The following SLC26A2 variants were observed in gnomAD, a reference collection of about 807,000 sequenced individuals.
The protein encoded by SLC26A2 is solute carrier family 26 member 2, also known as sulfate transporter.
In SLC26A2, 36 loss-of-function variants were observed where a neutral mutation model predicts 41.1. The observed-to-expected ratio is 0.88, with a 90% confidence interval of 0.67 to 1.16. SLC26A2 has a LOEUF of 1.16. Ranked by LOEUF, SLC26A2 falls within the 50% of genes most tolerant of loss-of-function variation. The pLI is 0.00. For synonymous variants in SLC26A2, 291 were observed against 311.6 expected (o/e 0.93, Z 0.70); for missense variants, 796 against 869.6 (o/e 0.92, Z 1.07).
At position 149,977,767 on chromosome 5, in the gene SLC26A2, T is replaced by C. The variant is rs746468036; in HGVS notation, c.115T>C (p.Phe39Leu). ...LELQRESSTD[F>L]KQFETNDQCR... ...ACTTCAAAGGGAATCAAGTACTGAC[T>C]TCAAGCAATTTGAGACCAATGATCA... Residue 39 changes from phenylalanine (F) to leucine (L), a missense_variant, in exon 2 of 3, where the codon TTC becomes CTC. Physicochemically the swap from Phe to Leu is conservative, Grantham distance 22. Transcript: ENST00000286298. 1.2e-6 allele frequency: 2 copies of C among 1,613,876 alleles called. No homozygotes were observed. Among genetic ancestry groups the C allele is most frequent in the African/African-American group, 2.7e-5 (2 of 74,918 alleles).
At position 149,974,159 on chromosome 5, in the gene SLC26A2, A is replaced by G. The variant is rs1449734330; in HGVS notation, c.-25-3469A>G. ...GGGCAAGACCCTATTTCTATAAAAG[A>G]TATATATTTCTTTGATACAAAGATA... is the stretch of plus-strand genomic sequence containing the variant. On this transcript the variant is annotated intron_variant, in intron 1 of 2. Coordinates refer to ENST00000286298, the MANE Select transcript of SLC26A2 (RefSeq NM_000112.4). Among the ~76,000 whole-genome samples, 3 of 152,160 alleles carry G rather than the reference A, an allele frequency of 2.0e-5. No homozygotes were observed. In the East Asian group the frequency reaches 5.8e-4, roughly 29 times the overall value.
chr5:149,980,938 A>G lies in SLC26A2; in HGVS notation c.1345A>G (p.Thr449Ala), dbSNP rs1240507935. ...TGCAAAGACATTGGTTAAAGAATCA[A>G]CAGGCTGCCATACTCAGCTTTCTGG... Reference protein sequence around the residue: ...ALAKTLVKESTGCHTQLSGVV... With the variant: ...ALAKTLVKESAGCHTQLSGVV... The change falls in exon 3 of 3, where the codon ACA becomes GCA. Residue 449 changes from threonine to alanine, a missense_variant. Coordinates refer to ENST00000286298, the MANE Select transcript of SLC26A2 (RefSeq NM_000112.4). 1.2e-6 allele frequency: 2 copies of G among 1,614,170 alleles called. No homozygotes were observed. Among genetic ancestry groups the G allele is most frequent in the East Asian group, 2.2e-5 (1 of 44,882 alleles).
intron 1 of SLC26A2, among the ~76,000 whole-genome samples, chr5:149,962,932 G>A (rs1412115238): frequency 6.6e-6 from 1 of 152,136 alleles, no homozygotes; most frequent in African/African-American, 2.4e-5. Flanking sequence ...ACAAAACAGA[G>A]CAAGTCAGTG....
intron 1 of SLC26A2, 112 bp from the exon 2 acceptor site, chr5:149,977,516 A>C: frequency 2.8e-6 from 2 of 711,616 alleles, no homozygotes. Flanking sequence ...TAAGATACCT[A>C]TTCCAAAACT....
chr5:149,967,750 G>A (rs1754829725), intron 1 of SLC26A2, among the ~76,000 whole-genome samples: 1 of 151,670 alleles, frequency 6.6e-6, no homozygotes, highest in East Asian at 1.9e-4. Flanking sequence ...CTCTCTCTGT[G>A]TATATATATA....
At chr5:149,964,930 T>C (rs1176718728) in intron 1 of SLC26A2, among the ~76,000 whole-genome samples, 1 of 152,190 alleles carries the variant, frequency 6.6e-6, no homozygotes, top group Non-Finnish European at 1.5e-5. Context: ...CAATAAAGTG[T>C]TTAAGGCTGA....
intron 1 of SLC26A2, among the ~76,000 whole-genome samples, chr5:149,962,482 G>C (rs958117189): frequency 1.3e-5 from 2 of 151,974 alleles, no homozygotes; most frequent in East Asian, 1.9e-4. Flanking sequence ...GGAACCACAG[G>C]TGCACGCTGC....
chr5:149,968,451 C>T (rs952051556), intron 1 of SLC26A2, among the ~76,000 whole-genome samples: 1 of 152,088 alleles, frequency 6.6e-6, no homozygotes, highest in African/African-American at 2.4e-5. Context: ...CGCTCTGTCA[C>T]TCAGGCTGGA....
Position 149,981,342 on chromosome 5 carries a change from T to A in SLC26A2, c.1749T>A (p.Phe583Leu). The change falls in exon 3 of 3, where the codon TTT becomes TTA. Residue 583 changes from phenylalanine to leucine, a missense_variant. Transcript: ENST00000286298. Reference protein sequence around the residue: ...QIKPGIKIFRFVAPLYYINKE... With the variant: ...QIKPGIKIFRLVAPLYYINKE... ...AGCCAGGCATCAAGATTTTCCGCTT[T>A]GTAGCCCCTCTCTACTACATAAACA... The A allele has an allele frequency of 6.2e-7, 1 of 1,614,182 alleles. No individual in the cohort carries two copies. Among genetic ancestry groups the A allele is most frequent in the Non-Finnish European group, 8.5e-7 (1 of 1,180,018 alleles).
intron 1 of SLC26A2, among the ~76,000 whole-genome samples, chr5:149,965,426 G>T (rs1346069590): frequency 7.6e-6 from 1 of 132,178 alleles, no homozygotes; most frequent in Non-Finnish European, 1.6e-5. Context: ...GTTGCAGTGA[G>T]CCGAGATCAC....
At position 149,981,788 on chromosome 5, in the gene SLC26A2, A is replaced by G. The variant is rs780285712; in HGVS notation, c.2195A>G (p.Asn732Ser). 6 of 1,612,732 alleles carry G rather than the reference A, an allele frequency of 3.7e-6. No homozygotes were observed. The highest frequency in any genetic ancestry group is 4.2e-6 in the Non-Finnish European group (5 of 1,179,352). The change falls in exon 3 of 3, where the codon AAT becomes AGT. Residue 732 changes from asparagine (N) to serine (S), a missense_variant. Transcript: ENST00000286298. ...SKNQKGVCVP[N>S]GLSLSSD ...AATCAGAAAGGAGTATGTGTTCCCA[A>G]TGGTCTGAGTCTTAGTAGTGATTAA...
intron 1 of SLC26A2, among the ~76,000 whole-genome samples, chr5:149,966,737 A>G (rs1754812331): frequency 6.6e-6 from 1 of 151,860 alleles, no homozygotes; most frequent in African/African-American, 2.4e-5. Context: ...TGCATTTTTG[A>G]TTTTGGATTT....
Position 149,977,950 on chromosome 5 carries a change from C to G in SLC26A2, c.298C>G (p.Pro100Ala). The G allele has an allele frequency of 1.2e-6, 2 of 1,614,144 alleles. No homozygotes were observed. The highest frequency in any genetic ancestry group is 1.7e-6 in the Non-Finnish European group (2 of 1,180,036). The change falls in exon 2 of 3, where the codon CCA (proline) becomes GCA (alanine). Residue 100 changes from proline (P) to alanine (A), a missense_variant. Coordinates refer to ENST00000286298, the MANE Select transcript of SLC26A2 (RefSeq NM_000112.4). ...TTTCCTTCCTGTTTTGCAGTGGCTC[C>G]CAAAATACGACCTAAAGAAAAACAT... ...LGFLPVLQWL[P>A]KYDLKKNILG...
chr5:149,965,680 T>A (rs1436806749), intron 1 of SLC26A2, among the ~76,000 whole-genome samples: 1 of 152,098 alleles, frequency 6.6e-6, no homozygotes, highest in Non-Finnish European at 1.5e-5. Flanking sequence ...TTCACATTAA[T>A]GCTGGGTTAA....
chr5:149,968,213 T>C (rs1754839061), intron 1 of SLC26A2, among the ~76,000 whole-genome samples: 1 of 152,180 alleles, frequency 6.6e-6, no homozygotes, highest in Non-Finnish European at 1.5e-5. Flanking sequence ...TTGTAAATAG[T>C]GCTGTTATGA....
At chr5:149,962,578 A>G (rs1290352700) in intron 1 of SLC26A2, among the ~76,000 whole-genome samples, 3 of 152,104 alleles carry the variant, frequency 2.0e-5, no homozygotes, top group East Asian at 1.9e-4. Context: ...AGCTCAAGCA[A>G]TCCTCCTGCC....
rs1406375437 is a variant in SLC26A2 at position 149,960,970 on chromosome 5, G to C, written c.-35G>C. On this transcript the variant is annotated 5_prime_UTR_variant, in exon 1 of 3. Transcript: ENST00000286298. Reference sequence around the variant, plus strand: ...GCGCCTGGTTGCCTGCAGCGGCCCGGACCCGAGAGGTGAGAAGAGGGAAGC... The same window carrying C: ...GCGCCTGGTTGCCTGCAGCGGCCCGCACCCGAGAGGTGAGAAGAGGGAAGC... 6.5e-6 allele frequency: 1 copy of C among 152,740 alleles called. No individual in the cohort carries two copies. Among genetic ancestry groups the C allele is most frequent in the South Asian group, 2.1e-4 (1 of 4,842 alleles). The allele number at this position is 152,740 out of a possible 1,614,324, so 9.5% of individuals were successfully genotyped here. A position where few individuals can be genotyped will look rare whatever the true frequency, so the allele number is the denominator to read the frequency against.
intron 1 of SLC26A2, among the ~76,000 whole-genome samples, chr5:149,962,452 C>T (rs979862502): frequency 1.3e-5 from 2 of 151,950 alleles, no homozygotes; most frequent in Non-Finnish European, 2.9e-5. Flanking sequence ...AAACCTTCCA[C>T]CTCAGCTTCC....
chr5:149,970,306 G>A (rs1426279647), intron 1 of SLC26A2, among the ~76,000 whole-genome samples: 2 of 152,076 alleles, frequency 1.3e-5, no homozygotes, highest in Non-Finnish European at 2.9e-5. Context: ...CCAGGAGTTC[G>A]AGACCAGCCT....
Sources: allele counts gnomAD v4.1 joint callset (sites outside exome capture counted in the v4.1 genomes callset), GRCh38; gene constraint gnomAD v4.1.1; transcripts MANE v1.5; gene names NCBI Gene and HGNC (gene_info 2026-07-23, HGNC 2026-07-21).